The following ADARB2 variants were observed in gnomAD, a reference collection of about 807,000 sequenced individuals.
ADARB2 encodes the protein inactive double-stranded RNA-specific editase B2.
In ADARB2, 25 loss-of-function variants were observed where a neutral mutation model predicts 62.2. That is an observed-to-expected ratio of 0.40 (90% CI 0.29 to 0.56). The LOEUF is 0.56. Among genes scored for constraint, ADARB2 ranks in the 20% least tolerant of loss-of-function variants. ADARB2 has a pLI of 0.43. For missense variants in ADARB2, 1,071 were observed against 1,077.4 expected (o/e 0.99, Z 0.08); for synonymous variants, 572 against 500.8 (o/e 1.14, Z -1.90).
At chr10:1,569,947 A>T (rs1832912705) in intron 1 of ADARB2, among the ~76,000 whole-genome samples, 1 of 152,144 alleles carries the variant, frequency 6.6e-6, no homozygotes, top group African/African-American at 2.4e-5. Context: ...AATAATTCAC[A>T]TTGTTGGTCA....
intron 3 of ADARB2, among the ~76,000 whole-genome samples, chr10:1,294,894 G>A (rs1831510321): frequency 6.6e-6 from 1 of 152,192 alleles, no homozygotes; most frequent in Non-Finnish European, 1.5e-5. Context: ...CCCCTGCCAA[G>A]GCCCCGACCT....
At chr10:1,553,790 C>T (rs546551539) in intron 1 of ADARB2, among the ~76,000 whole-genome samples, 4 of 152,266 alleles carry the variant, frequency 2.6e-5, no homozygotes, top group South Asian at 2.1e-4. Context: ...CTAAGCGCAG[C>T]GACCGTGGCA....
intron 1 of ADARB2, among the ~76,000 whole-genome samples, chr10:1,680,333 G>T (rs1834520866): frequency 1.3e-5 from 2 of 151,788 alleles, no homozygotes; most frequent in South Asian, 2.1e-4. Context: ...TTCCTCTCCT[G>T]CTTGAAATAA....
chr10:1,575,527 C>T (rs1237879818), intron 1 of ADARB2, among the ~76,000 whole-genome samples: 1 of 152,188 alleles, frequency 6.6e-6, no homozygotes, highest in Admixed American at 6.5e-5. Context: ...ACTGCCGGGT[C>T]AGAGGGGCCC....
intron 1 of ADARB2, among the ~76,000 whole-genome samples, chr10:1,381,765 A>T (rs114593440): frequency 1.5e-3 from 232 of 152,348 alleles, no homozygotes; most frequent in African/African-American, 5.5e-3. Context: ...GCATGGTCTC[A>T]CTCACACGTG....
intron 1 of ADARB2, among the ~76,000 whole-genome samples, chr10:1,473,813 AT>A (rs1301940422): frequency 6.6e-6 from 1 of 152,238 alleles, no homozygotes; most frequent in African/African-American, 2.4e-5. Context: ...TTTTTGGGCA[AT>A]TTGGGTGGCT....
chr10:1,624,016 T>C (rs2132028413), intron 1 of ADARB2, among the ~76,000 whole-genome samples: 1 of 152,250 alleles, frequency 6.6e-6, no homozygotes, highest in Middle Eastern at 3.4e-3. Flanking sequence ...ATCGATCACT[T>C]AAGCCCAAGA....
intron 1 of ADARB2, among the ~76,000 whole-genome samples, chr10:1,480,299 G>A (rs1300073399): frequency 6.6e-6 from 1 of 152,222 alleles, no homozygotes; most frequent in Non-Finnish European, 1.5e-5. Context: ...TAAAAGCATT[G>A]TTAGAACTAA....
chr10:1,674,961 A>C, intron 1 of ADARB2: 1 of 961,838 alleles, frequency 1.0e-6, no homozygotes, highest in Non-Finnish European at 1.2e-6. Context: ...GGGTACACGG[A>C]TATTCTGGAG....
At chr10:1,332,139 C>T (rs1339955195) in intron 3 of ADARB2, among the ~76,000 whole-genome samples, 1 of 152,204 alleles carries the variant, frequency 6.6e-6, no homozygotes. Context: ...TGTGGTGGCT[C>T]ACGCCTGTAA....
chr10:1,737,392 C>T lies in ADARB2; in HGVS notation c.-242G>A. On this transcript the variant is annotated 5_prime_UTR_variant, in exon 1 of 10. Coordinates refer to ENST00000381312, the MANE Select transcript of ADARB2 (RefSeq NM_018702.4). ...CGCCTGGAGCGAGCTGCTCCCTGGT[C>T]AGGGAGGGCGGGGAAGGGCGCGCGG... 1 of 487,092 alleles carries T rather than the reference C, an allele frequency of 2.1e-6. No individual in the cohort carries two copies. The highest frequency in any genetic ancestry group is 3.7e-6 in the Non-Finnish European group (1 of 271,536). The allele number at this position is 487,092 out of a possible 1,614,324, so 30.2% of individuals were successfully genotyped here. A position where few individuals can be genotyped will look rare whatever the true frequency, so the allele number is the denominator to read the frequency against.
intron 1 of ADARB2, among the ~76,000 whole-genome samples, chr10:1,555,714 C>A (rs1366923454): frequency 6.6e-6 from 1 of 152,336 alleles, no homozygotes; most frequent in East Asian, 1.9e-4. Context: ...GTGGTTGGAT[C>A]ACCTGAGGTC....
intron 1 of ADARB2, among the ~76,000 whole-genome samples, chr10:1,527,274 T>C (rs112995179): frequency 6.6e-6 from 1 of 152,254 alleles, no homozygotes; most frequent in African/African-American, 2.4e-5. Flanking sequence ...ATGACTCTGC[T>C]AGTATTTTAA....
At chr10:1,588,376 T>C (rs1833207363) in intron 1 of ADARB2, among the ~76,000 whole-genome samples, 1 of 152,234 alleles carries the variant, frequency 6.6e-6, no homozygotes, top group Non-Finnish European at 1.5e-5. Context: ...AACAAAGCCC[T>C]TCCTTGGGTT....
chr10:1,179,193 T>C lies in ADARB2; in HGVS notation c.*4000A>G, dbSNP rs1361642716. 1 of 151,130 alleles carries C rather than the reference T, an allele frequency of 6.6e-6. No individual in the cohort carries two copies. Among genetic ancestry groups the C allele is most frequent in the Non-Finnish European group, 1.5e-5 (1 of 68,034 alleles). 9.4% of individuals were successfully genotyped at this position (151,130 alleles called of 1,614,324 possible). On this transcript the variant is annotated 3_prime_UTR_variant, in exon 10 of 10. Coordinates refer to ENST00000381312, the MANE Select transcript of ADARB2 (RefSeq NM_018702.4). ...TTTACTGTTTATGGCTCTCCAGACG[T>C]GATAAACATTATATCCAAAAAAAAA... is the stretch of plus-strand genomic sequence containing the variant.
intron 1 of ADARB2, among the ~76,000 whole-genome samples, chr10:1,628,765 C>T (rs1220122670): frequency 6.6e-6 from 1 of 152,224 alleles, no homozygotes; most frequent in Non-Finnish European, 1.5e-5. Flanking sequence ...CCTGGTGTGT[C>T]TTTCTCTTCT....
At chr10:1,476,967 CA>C (rs1831409242) in intron 1 of ADARB2, among the ~76,000 whole-genome samples, 1 of 152,120 alleles carries the variant, frequency 6.6e-6, no homozygotes, top group Admixed American at 6.5e-5. Context: ...ATCAGAGACA[CA>C]AGTGCTGGGC....
rs547717775 is a variant in ADARB2, at chr10:1,511,199, G to A, written c.101-132039C>T. On this transcript the variant is annotated intron_variant, in intron 1 of 9. Coordinates refer to ENST00000381312, the MANE Select transcript of ADARB2 (RefSeq NM_018702.4). ...TTTTGTGCTGCTGGGGTGGGTGGGC[G>A]TATCGGGTGGATGCACTTATAATAT... 5.3e-4 allele frequency among the ~76,000 whole-genome samples: 80 copies of A among 151,432 alleles called. 2 individuals carry two copies. Among genetic ancestry groups the A allele is most frequent in the African/African-American group, 1.1e-3 (47 of 41,384 alleles).
chr10:1,222,036 G>C (rs1181124508), intron 6 of ADARB2, among the ~76,000 whole-genome samples: 2 of 152,194 alleles, frequency 1.3e-5, no homozygotes, highest in African/African-American at 4.8e-5. Context: ...CCCACCAACA[G>C]TGTAAAAGTG....
Sources: gnomAD v4.1 joint callset for allele counts (sites outside exome capture counted in the v4.1 genomes callset) on GRCh38, gnomAD v4.1.1 for gene constraint, MANE v1.5 for transcripts, NCBI Gene and HGNC (gene_info 2026-07-23, HGNC 2026-07-21) for gene names.